Variants in INPP5A observed in about 807,000 individuals in gnomAD.
INPP5A encodes the protein 43 kDa inositol polyphosphate 5-phophatase.
A neutral mutation model predicts 65.2 loss-of-function variants in INPP5A; 14 were observed. The ratio of observed to expected loss-of-function variants is 0.21; its 90% CI spans 0.14 to 0.34. The LOEUF is 0.34. Among genes scored for constraint, INPP5A ranks in the 10% least tolerant of loss-of-function variants. The probability of loss-of-function intolerance (pLI) is 1.00; values close to 1 mark genes in which losing one functional copy is unlikely to be tolerated. For synonymous variants in INPP5A, 207 were observed against 208.3 expected (o/e 0.99, Z 0.05); for missense variants, 431 against 545.6 (o/e 0.79, Z 2.09).
intron 2 of INPP5A, among the ~76,000 whole-genome samples, chr10:132,617,614 C>T (rs1295061776): frequency 6.6e-6 from 1 of 152,224 alleles, no homozygotes; most frequent in Non-Finnish European, 1.5e-5. Context: ...GACCTTCTTC[C>T]TGTTGACAAA....
chr10:132,612,416 G>A (rs148117328), intron 2 of INPP5A, among the ~76,000 whole-genome samples: 30 of 149,426 alleles, frequency 2.0e-4, no homozygotes, highest in African/African-American at 7.3e-4. Flanking sequence ...GTGATGTTGT[G>A]TTTTGTGGGG....
At chr10:132,765,095 G>A (rs1261455590) in intron 11 of INPP5A, among the ~76,000 whole-genome samples, 2 of 151,198 alleles carry the variant, frequency 1.3e-5, no homozygotes, top group Admixed American at 6.6e-5. Context: ...TGCGGTGGGA[G>A]GGTGTGCGTG....
chr10:132,774,468 C>T (rs2134688271), intron 12 of INPP5A, among the ~76,000 whole-genome samples: 1 of 152,330 alleles, frequency 6.6e-6, no homozygotes, highest in South Asian at 2.1e-4. Context: ...CTGAGCACAG[C>T]TCGGGGAGTT....
chr10:132,595,618 G>C (rs1242638495), intron 1 of INPP5A, among the ~76,000 whole-genome samples: 1 of 152,048 alleles, frequency 6.6e-6, no homozygotes, highest in African/African-American at 2.4e-5. Flanking sequence ...ACCTACATTG[G>C]GGTGTTTGTC....
At chr10:132,618,909 C>G (rs1479678045) in intron 2 of INPP5A, among the ~76,000 whole-genome samples, 1 of 152,194 alleles carries the variant, frequency 6.6e-6, no homozygotes, top group Non-Finnish European at 1.5e-5. Flanking sequence ...GGCATCTGCC[C>G]CCATGATCCA....
rs77976945 is a variant in INPP5A at position 132,705,790 on chromosome 10, G to T, written c.475-2523G>T. 1.9e-3 allele frequency among the ~76,000 whole-genome samples: 295 copies of T among 152,282 alleles called. 1 individual carries two copies. In the East Asian group the frequency reaches 0.03, roughly 16 times the overall value. ...CCTCAGTATCACTGGGGAGCAGAGA[G>T]CCCAGACCTTTTACAATGCTGGGTG... On this transcript the variant is annotated intron_variant, in intron 6 of 15. Transcript: ENST00000368594. The surrounding 1 kb of genome is among the most constrained non-coding windows in gnomAD (Gnocchi z 4.9).
intron 1 of INPP5A, among the ~76,000 whole-genome samples, chr10:132,579,156 C>T (rs552385912): frequency 1.3e-5 from 2 of 151,892 alleles, no homozygotes; most frequent in South Asian, 2.1e-4. Context: ...GAGGCAGAGC[C>T]GCGCCGGTTG....
intron 1 of INPP5A, among the ~76,000 whole-genome samples, chr10:132,586,930 G>A (rs1362961820): frequency 6.6e-6 from 1 of 152,180 alleles, no homozygotes; most frequent in African/African-American, 2.4e-5. Flanking sequence ...TTTGTAAATA[G>A]CGAGTCGGAG....
rs1165623555 is a variant in INPP5A at position 132,550,895 on chromosome 10, A to G, written c.75+12724A>G. On this transcript the variant is annotated intron_variant, in intron 1 of 15. Transcript: ENST00000368594. The surrounding 1 kb of genome is among the most constrained non-coding windows in gnomAD (Gnocchi z 4.2). ...CTGGCCCCTATGGCGTTTGGCCTTC[A>G]GGGTGGTCATTGGGTGCGTGGCTCT... Among the ~76,000 whole-genome samples, 1 of 152,182 alleles carries G rather than the reference A, an allele frequency of 6.6e-6. No homozygotes were observed. Among genetic ancestry groups the G allele is most frequent in the East Asian group, 1.9e-4 (1 of 5,194 alleles).
intron 12 of INPP5A, among the ~76,000 whole-genome samples, chr10:132,775,171 G>GGAGA (rs1159973832): frequency 0.017 from 54 of 3,262 alleles, 1 homozygote; most frequent in Non-Finnish European, 0.025. Context: ...GGGGCAGAGA[G>GGAGA]GAGGGGCAGG....
At position 132,714,924 on chromosome 10, in the gene INPP5A, A is replaced by G. The variant is rs142063448; in HGVS notation, c.647+4468A>G. On this transcript the variant is annotated intron_variant, in intron 8 of 15. Transcript: ENST00000368594. ...TTGTTATGAGAAGTTTAAAAAGAAG[A>G]CAAATCCCTAATGAGTGAGGAGGAC... Among the ~76,000 whole-genome samples, 1,046 of 152,356 alleles carry G rather than the reference A, an allele frequency of 6.9e-3. 7 individuals carry two copies. The highest frequency in any genetic ancestry group is 9.7e-3 in the Non-Finnish European group (663 of 68,034).
At chr10:132,560,401 A>C (rs560564497) in intron 1 of INPP5A, among the ~76,000 whole-genome samples, 1 of 152,204 alleles carries the variant, frequency 6.6e-6, no homozygotes, top group Non-Finnish European at 1.5e-5. Context: ...TGAGGGCTGC[A>C]GACTTCCAAC....
chr10:132,607,795 G>A (rs752842983), intron 1 of INPP5A, 120 bp from the exon 2 acceptor site: 434 of 973,808 alleles, frequency 4.5e-4, no homozygotes, highest in Non-Finnish European at 6.3e-4. Context: ...CTCCATGCGG[G>A]GTGGGCCCGG....
At chr10:132,733,131 C>G (rs993110196) in intron 9 of INPP5A, among the ~76,000 whole-genome samples, 107 of 152,196 alleles carry the variant, frequency 7.0e-4, no homozygotes, top group African/African-American at 2.4e-3. Context: ...CCTCCATCCT[C>G]ATGTGGCCTT....
intron 4 of INPP5A, among the ~76,000 whole-genome samples, chr10:132,683,304 C>T (rs927361008): frequency 1.3e-5 from 2 of 151,118 alleles, no homozygotes; most frequent in African/African-American, 4.9e-5. Flanking sequence ...TGTGTGTTAT[C>T]CTATGTGGAG....
rs186022959 is a variant in INPP5A, at chr10:132,663,950, C to T, written c.306+13445C>T. 1.3e-5 allele frequency among the ~76,000 whole-genome samples: 2 copies of T among 152,332 alleles called. No homozygotes were observed. The highest frequency in any genetic ancestry group is 1.3e-4 in the Admixed American group (2 of 15,306). On this transcript the variant is annotated intron_variant, in intron 4 of 15. Coordinates refer to ENST00000368594, the MANE Select transcript of INPP5A (RefSeq NM_005539.5). This position sits in a 1 kb window ranked among gnomAD's most constrained non-coding sequence, Gnocchi z 4.5. ...CCATCAGGCGGCCGACAGGCGTGAT[C>T]GAGTGCCGTGTCACACGCAGCCCAG...
chr10:132,605,608 G>C (rs2071839336), intron 1 of INPP5A, among the ~76,000 whole-genome samples: 1 of 151,910 alleles, frequency 6.6e-6, no homozygotes, highest in African/African-American at 2.4e-5. Flanking sequence ...ATGGGGCCCA[G>C]GAGGCCCTGG....
In INPP5A at chr10:132,704,932, T is replaced by C. The variant is rs1197878278; in HGVS notation, c.475-3381T>C. ...GGCGTCTGGACAGGCGGCAGGCAGC[T>C]CCTCTGGAGTGTGGAGGATGGAGGA... On this transcript the variant is annotated intron_variant, in intron 6 of 15. Coordinates refer to ENST00000368594, the MANE Select transcript of INPP5A (RefSeq NM_005539.5). This position sits in a 1 kb window ranked among gnomAD's most constrained non-coding sequence, Gnocchi z 4.5. Among the ~76,000 whole-genome samples, 1 of 142,638 alleles carries C rather than the reference T, an allele frequency of 7.0e-6. No homozygotes were observed. Among genetic ancestry groups the C allele is most frequent in the African/African-American group, 2.6e-5 (1 of 38,260 alleles). The allele number at this position is 142,638 out of a possible 152,430, so 93.6% of individuals were successfully genotyped here. A position where few individuals can be genotyped will look rare whatever the true frequency, so the allele number is the denominator to read the frequency against.
intron 8 of INPP5A, among the ~76,000 whole-genome samples, chr10:132,717,275 T>TGTCTTGC (rs1845757044): frequency 1.4e-5 from 2 of 145,348 alleles, no homozygotes; most frequent in African/African-American, 5.7e-5. Flanking sequence ...CCTCAGGTGC[T>TGTCTTGC]GGCCCCTAAA....
Sources: gnomAD v4.1 joint callset for allele counts (sites outside exome capture counted in the v4.1 genomes callset) on GRCh38, gnomAD v4.1.1 for gene constraint, Gnocchi (gnomAD v3.1) non-coding constraint, MANE v1.5 for transcripts, NCBI Gene and HGNC (gene_info 2026-07-23, HGNC 2026-07-21) for gene names.